RBFOX1: variants seen among roughly 807,000 people sequenced by gnomAD.
The protein encoded by RBFOX1 is RNA binding protein fox-1 homolog 1.
Under a neutral mutation model 57.7 loss-of-function variants are expected in RBFOX1, and 8 were observed. That is an observed-to-expected ratio of 0.14 (90% CI 0.08 to 0.25). The LOEUF (loss-of-function observed/expected upper bound fraction) is 0.25. Among genes scored for constraint, RBFOX1 ranks in the 10% least tolerant of loss-of-function variants. The pLI, the probability that RBFOX1 is intolerant of heterozygous loss-of-function variation, is 1.00. For synonymous variants in RBFOX1, 326 were observed against 222.4 expected (o/e 1.47, Z -4.15); for missense variants, 611 against 548.5 (o/e 1.11, Z -1.14).
intron 3 of RBFOX1, among the ~76,000 whole-genome samples, chr16:5,733,958 C>T (rs535918342): frequency 2.0e-4 from 31 of 152,210 alleles, no homozygotes; most frequent in African/African-American, 6.3e-4. Flanking sequence ...TTCCTGACCT[C>T]GACCCTTCTC....
At chr16:6,496,712 C>T (rs181543908) in intron 2 of RBFOX1, among the ~76,000 whole-genome samples, 1 of 152,106 alleles carries the variant, frequency 6.6e-6, no homozygotes. Flanking sequence ...GTAATCCCAG[C>T]ACTGTGGGAG....
intron 2 of RBFOX1, among the ~76,000 whole-genome samples, chr16:6,619,831 T>G (rs1436219988): frequency 1.3e-5 from 2 of 152,126 alleles, no homozygotes; most frequent in Non-Finnish European, 2.9e-5. Flanking sequence ...TACCCATTAG[T>G]TATTTTTCCT....
At chr16:6,053,764 C>A (rs2095581322) in intron 1 of RBFOX1, among the ~76,000 whole-genome samples, 1 of 152,082 alleles carries the variant, frequency 6.6e-6, no homozygotes, top group South Asian at 2.1e-4. Flanking sequence ...TTAATGGGAC[C>A]CCCTTAGGCT....
intron 4 of RBFOX1, among the ~76,000 whole-genome samples, chr16:7,194,647 C>G (rs184287556): frequency 2.0e-5 from 3 of 152,090 alleles, no homozygotes; most frequent in Non-Finnish European, 4.4e-5. Flanking sequence ...GTGAATTTAG[C>G]CCAGGCACAG....
chr16:5,701,652 T>C (rs1033348842), intron 3 of RBFOX1, among the ~76,000 whole-genome samples: 5 of 152,162 alleles, frequency 3.3e-5, no homozygotes, highest in Admixed American at 1.3e-4. Context: ...CAGGCTGGTC[T>C]CAAACTTCTG....
intron 2 of RBFOX1, among the ~76,000 whole-genome samples, chr16:5,482,947 T>G (rs1455803461): frequency 6.6e-6 from 1 of 152,206 alleles, no homozygotes; most frequent in African/African-American, 2.4e-5. Context: ...GCTTATGGGT[T>G]AGAAGTCCCT....
intron 3 of RBFOX1, among the ~76,000 whole-genome samples, chr16:6,672,308 A>G (rs899998651): frequency 1.1e-4 from 17 of 152,010 alleles, no homozygotes; most frequent in African/African-American, 4.1e-4. Flanking sequence ...ATATAAAATA[A>G]CCATACAAAT....
chr16:6,093,458 A>G (rs1174527092), intron 1 of RBFOX1, among the ~76,000 whole-genome samples: 1 of 152,150 alleles, frequency 6.6e-6, no homozygotes, highest in East Asian at 1.9e-4. Context: ...TAGAGTAAAG[A>G]TCTGGAAGGA....
chr16:6,210,327 A>AG (rs1166613138), intron 1 of RBFOX1, among the ~76,000 whole-genome samples: 1 of 117,496 alleles, frequency 8.5e-6, no homozygotes, highest in Non-Finnish European at 1.8e-5. Context: ...GAAAAAAAAA[A>AG]ACAAAAAAAC....
At chr16:6,025,322 G>T (rs2095169176) in intron 1 of RBFOX1, among the ~76,000 whole-genome samples, 1 of 152,118 alleles carries the variant, frequency 6.6e-6, no homozygotes, top group Non-Finnish European at 1.5e-5. Flanking sequence ...CTACTTCGTA[G>T]GGCTTACACT....
intron 3 of RBFOX1, among the ~76,000 whole-genome samples, chr16:6,921,866 C>G (rs906626491): frequency 7.9e-5 from 12 of 152,022 alleles, no homozygotes; most frequent in Admixed American, 6.6e-4. Context: ...AGTCCCAGGT[C>G]TACCCATAAT....
At position 7,713,023 on chromosome 16, in the gene RBFOX1, C is replaced by T. The variant is rs1221070807; in HGVS notation, c.*2278C>T. ...CAACCGATGTTGCAGAATCTTTTGT[C>T]TAGGCACTCCAAGATGCCAATAAGT... On this transcript the variant is annotated 3_prime_UTR_variant, in exon 16 of 16. Coordinates refer to ENST00000550418, the MANE Select transcript of RBFOX1 (RefSeq NM_018723.4). 1 of 152,118 alleles carries T rather than the reference C, an allele frequency of 6.6e-6. No homozygotes were observed. 9.4% of individuals were successfully genotyped at this position (152,118 alleles called of 1,614,324 possible).
intron 4 of RBFOX1, among the ~76,000 whole-genome samples, chr16:7,184,702 G>A (rs2083379994): frequency 6.6e-6 from 1 of 152,132 alleles, no homozygotes; most frequent in Non-Finnish European, 1.5e-5. Flanking sequence ...ATGAGCTCTT[G>A]TGAAACTTCT....
At chr16:6,808,084 C>T (rs182779756) in intron 3 of RBFOX1, among the ~76,000 whole-genome samples, 15 of 148,898 alleles carry the variant, frequency 1.0e-4, no homozygotes, top group Non-Finnish European at 1.6e-4. Flanking sequence ...TATAATCATA[C>T]TCAATAGAAC....
chr16:5,864,672 A>T (rs1423847882), intron 3 of RBFOX1, among the ~76,000 whole-genome samples: 1 of 152,086 alleles, frequency 6.6e-6, no homozygotes, highest in African/African-American at 2.4e-5. Flanking sequence ...GCTGTATGAT[A>T]GTTTATAATA....
intron 2 of RBFOX1, among the ~76,000 whole-genome samples, chr16:5,571,674 G>T (rs940543808): frequency 6.6e-6 from 1 of 152,140 alleles, no homozygotes; most frequent in Non-Finnish European, 1.5e-5. Flanking sequence ...TTCAAAGAAT[G>T]CAGTCATGCA....
intron 1 of RBFOX1, among the ~76,000 whole-genome samples, chr16:6,293,927 A>G (rs1289489372): frequency 7.4e-6 from 1 of 134,302 alleles, no homozygotes; most frequent in African/African-American, 2.7e-5. Flanking sequence ...GAATTGCAGG[A>G]ATTTTTACTG....
chr16:7,619,304 C>G (rs777954363), intron 10 of RBFOX1, among the ~76,000 whole-genome samples: 1 of 152,040 alleles, frequency 6.6e-6, no homozygotes, highest in African/African-American at 2.4e-5. Flanking sequence ...TATTCTCTTT[C>G]ATTTTTGAAA....
intron 2 of RBFOX1, among the ~76,000 whole-genome samples, chr16:6,390,068 C>A (rs570660919): frequency 6.6e-6 from 1 of 152,256 alleles, no homozygotes; most frequent in African/African-American, 2.4e-5. Context: ...TGACGGATAC[C>A]TGAGAGAAGT....
Sources: gnomAD v4.1 joint callset for allele counts (sites outside exome capture counted in the v4.1 genomes callset) on GRCh38, gnomAD v4.1.1 for gene constraint, MANE v1.5 for transcripts, NCBI Gene and HGNC (gene_info 2026-07-23, HGNC 2026-07-21) for gene names.